GPHN: variants seen among roughly 807,000 people sequenced by gnomAD.
GPHN encodes the protein gephyrin.
A neutral mutation model predicts 95.5 loss-of-function variants in GPHN; 17 were observed. The observed-to-expected ratio is 0.18, with a 90% CI of 0.12 to 0.27. The LOEUF is 0.27. Ranked by LOEUF, GPHN falls within the 10% of genes least tolerant of loss-of-function variation. The probability of loss-of-function intolerance (pLI) is 1.00; values close to 1 mark genes in which losing one functional copy is unlikely to be tolerated. For missense variants in GPHN, 660 were observed against 978.1 expected, an observed-to-expected ratio of 0.67 and a Z score of 4.34; for synonymous variants, 320 against 322.5, an observed-to-expected ratio of 0.99 and a Z score of 0.08.
At chr14:67,105,944 A>G (rs2078013314) in intron 13 of GPHN, among the ~76,000 whole-genome samples, 1 of 151,962 alleles carries the variant, frequency 6.6e-6, no homozygotes, top group Non-Finnish European at 1.5e-5. Flanking sequence ...CTACATTGAT[A>G]CTGTTTTATT....
At chr14:67,433,334 A>G in the GPHN span, among the ~76,000 whole-genome samples, 1 of 152,198 alleles carries the variant, frequency 6.6e-6, no homozygotes, top group Non-Finnish European at 1.5e-5. Flanking sequence ...TAAGAGTGGG[A>G]CAGAGAGAAG....
At chr14:66,665,619 T>C (rs1360644386) in intron 1 of GPHN, among the ~76,000 whole-genome samples, 1 of 152,190 alleles carries the variant, frequency 6.6e-6, no homozygotes, top group Non-Finnish European at 1.5e-5. Flanking sequence ...GGAGGGGATG[T>C]GGAGAAATAG....
chr14:66,536,264 A>C (rs1407616926), intron 1 of GPHN, among the ~76,000 whole-genome samples: 1 of 152,156 alleles, frequency 6.6e-6, no homozygotes. Flanking sequence ...TAGTTTTCTA[A>C]ATCATGAATA....
the GPHN span, among the ~76,000 whole-genome samples, chr14:67,398,677 T>G: frequency 6.6e-6 from 1 of 151,444 alleles, no homozygotes; most frequent in African/African-American, 2.4e-5. Flanking sequence ...CCTAAACTAC[T>G]TCCCGAGTGG....
In GPHN at chr14:66,915,594, A is replaced by G. The variant is rs146971872; in HGVS notation, c.390-409A>G. ...AAACTTATAGACTTCCTGAGAAGCA[A>G]GAGCTCAAATCTAAATCTTAAGTGC... is the stretch of plus-strand genomic sequence containing the variant. On this transcript the variant is annotated intron_variant, in intron 5 of 22. Coordinates refer to ENST00000478722, the MANE Select transcript of GPHN (RefSeq NM_020806.5). Among the ~76,000 whole-genome samples, 597 of 152,334 alleles carry G rather than the reference A, an allele frequency of 3.9e-3. 4 individuals are homozygous for G. The highest frequency in any genetic ancestry group is 0.013 in the African/African-American group (560 of 41,588).
chr14:67,644,494 T>C, the GPHN span, among the ~76,000 whole-genome samples: 3 of 152,220 alleles, frequency 2.0e-5, no homozygotes, highest in Non-Finnish European at 2.9e-5. Context: ...GCACCTAGAA[T>C]AGCTGTCTCA....
intron 1 of GPHN, among the ~76,000 whole-genome samples, chr14:66,603,176 T>C (rs1595185495): frequency 6.6e-6 from 1 of 151,972 alleles, no homozygotes; most frequent in East Asian, 1.9e-4. Flanking sequence ...ACTAAAACAG[T>C]AGGATTTTGA....
At chr14:66,851,467 T>C (rs1168633972) in intron 4 of GPHN, among the ~76,000 whole-genome samples, 2 of 152,168 alleles carry the variant, frequency 1.3e-5, no homozygotes, top group Non-Finnish European at 2.9e-5. Flanking sequence ...TGTGTCTGGA[T>C]TCTTTTGTTT....
chr14:67,213,985 G>A, the GPHN span, among the ~76,000 whole-genome samples: 12 of 152,138 alleles, frequency 7.9e-5, no homozygotes, highest in East Asian at 3.8e-4. Context: ...ATCTGTTCAT[G>A]TCCTTCGCCC....
the GPHN span, among the ~76,000 whole-genome samples, chr14:67,574,876 C>T: frequency 6.6e-6 from 1 of 152,198 alleles, no homozygotes; most frequent in African/African-American, 2.4e-5. This position sits in a 1 kb window ranked among gnomAD's most constrained non-coding sequence, Gnocchi z 4.2. Context: ...CAAGGAAGTA[C>T]ATTAGCTAGA....
At chr14:67,274,935 G>A in the GPHN span, among the ~76,000 whole-genome samples, 1 of 152,122 alleles carries the variant, frequency 6.6e-6, no homozygotes, top group Admixed American at 6.5e-5. Flanking sequence ...TCTGTTATTG[G>A]TGTATAAGAA....
At chr14:67,441,931 T>C in the GPHN span, 2 of 153,946 alleles carry the variant, frequency 1.3e-5, no homozygotes, top group Non-Finnish European at 2.9e-5. Context: ...TGCAGTTGGC[T>C]ATAAATATCT....
chr14:66,896,140 G>C (rs1357385285), intron 5 of GPHN, among the ~76,000 whole-genome samples: 1 of 152,054 alleles, frequency 6.6e-6, no homozygotes, highest in Non-Finnish European at 1.5e-5. Flanking sequence ...ACCTCCCAAA[G>C]TCCTCAACAC....
chr14:66,675,445 C>G (rs2066533586), intron 1 of GPHN, among the ~76,000 whole-genome samples: 1 of 152,080 alleles, frequency 6.6e-6, no homozygotes, highest in African/African-American at 2.4e-5. Context: ...CTCCCGGCCC[C>G]TTTTTCCAGT....
rs978878450 is a variant in GPHN, at chr14:67,181,603, T to G, written c.*666T>G. ...ATGCTTCCTTAAGTGCTGACAGCCT[T>G]TTTAACCAATACATTTAAAATTGTA... On this transcript the variant is annotated 3_prime_UTR_variant, in exon 23 of 23. Transcript: ENST00000478722. The G allele has an allele frequency of 4.9e-6, 2 of 410,246 alleles. No individual in the cohort carries two copies. The highest frequency in any genetic ancestry group is 4.2e-5 in the African/African-American group (2 of 48,006). 25.4% of individuals were successfully genotyped at this position (410,246 alleles called of 1,614,324 possible). A position where few individuals can be genotyped will look rare whatever the true frequency, so the allele number is the denominator to read the frequency against.
the GPHN span, among the ~76,000 whole-genome samples, chr14:67,274,126 A>G: frequency 6.6e-6 from 1 of 152,096 alleles, no homozygotes; most frequent in Non-Finnish European, 1.5e-5. Context: ...CTTTGGTTTA[A>G]TTAGATCCCA....
the GPHN span, chr14:67,571,057 G>GATATGGTCCA: frequency 6.6e-5 from 10 of 152,192 alleles, no homozygotes; most frequent in Non-Finnish European, 1.3e-4. Flanking sequence ...CAGTACCCTT[G>GATATGGTCCA]GTATCGAAGC....
At chr14:67,033,485 A>T (rs1046136185) in intron 10 of GPHN, among the ~76,000 whole-genome samples, 2 of 151,828 alleles carry the variant, frequency 1.3e-5, no homozygotes, top group East Asian at 1.9e-4. Flanking sequence ...AATCGCTTGA[A>T]CCCAGGAGGT....
the GPHN span, among the ~76,000 whole-genome samples, chr14:67,689,149 T>A: frequency 6.6e-6 from 1 of 152,218 alleles, no homozygotes; most frequent in African/African-American, 2.4e-5. Flanking sequence ...GTTACCCTTA[T>A]CTATCCTAAA....
Sources: gnomAD v4.1 joint callset for allele counts (sites outside exome capture counted in the v4.1 genomes callset) on GRCh38, gnomAD v4.1.1 for gene constraint, Gnocchi (gnomAD v3.1) non-coding constraint, MANE v1.5 for transcripts, NCBI Gene and HGNC (gene_info 2026-07-23, HGNC 2026-07-21) for gene names.